Variants in RABGAP1L observed in about 807,000 individuals in gnomAD.
RABGAP1L encodes RAB GTPase activating protein 1 like.
In RABGAP1L, 63 loss-of-function variants were observed where a neutral mutation model predicts 137.7. The observed-to-expected ratio is 0.46, with a 90% CI of 0.37 to 0.56. The LOEUF is 0.56. RABGAP1L is among the 20% of genes least tolerant of loss of function. The pLI is 0.00. For synonymous variants in RABGAP1L, 431 were observed against 433.7 expected (o/e 0.99, Z 0.08); for missense variants, 1,095 against 1,244.0 (o/e 0.88, Z 1.80).
At chr1:174,611,426 G>T in intron 13 of RABGAP1L, among the ~76,000 whole-genome samples, 1 of 151,548 alleles carries the variant, frequency 6.6e-6, no homozygotes, top group East Asian at 1.9e-4. Flanking sequence ...TCTCTCTTTT[G>T]GTACCACTAC....
chr1:174,870,120 A>T (rs1339821642), intron 19 of RABGAP1L, among the ~76,000 whole-genome samples: 1 of 152,224 alleles, frequency 6.6e-6, no homozygotes, highest in Non-Finnish European at 1.5e-5. Flanking sequence ...GAAAGGCAGG[A>T]ATTTAGTAAT....
intron 19 of RABGAP1L, among the ~76,000 whole-genome samples, chr1:174,939,016 C>T (rs1184494479): frequency 3.3e-5 from 5 of 152,120 alleles, no homozygotes; most frequent in Admixed American, 1.3e-4. Context: ...TAGGGTCTTT[C>T]CTTTACTTGT....
intron 17 of RABGAP1L, among the ~76,000 whole-genome samples, chr1:174,735,108 A>G: frequency 6.6e-6 from 1 of 151,754 alleles, no homozygotes; most frequent in Middle Eastern, 3.2e-3. Flanking sequence ...GACTATAGGC[A>G]TGCACCACCA....
intron 19 of RABGAP1L, among the ~76,000 whole-genome samples, chr1:174,820,435 C>T (rs1174353748): frequency 6.6e-6 from 1 of 152,110 alleles, no homozygotes; most frequent in Non-Finnish European, 1.5e-5. Flanking sequence ...TATTAAGAGC[C>T]ACTTTTGAGC....
chr1:174,549,475 A>G (rs145248694), intron 13 of RABGAP1L, among the ~76,000 whole-genome samples: 124 of 152,344 alleles, frequency 8.1e-4, no homozygotes, highest in Non-Finnish European at 3.4e-4. Flanking sequence ...ATATTGTAAC[A>G]TAGCATTCTT....
At chr1:174,661,921 A>G (rs920074271) in intron 14 of RABGAP1L, among the ~76,000 whole-genome samples, 1 of 152,160 alleles carries the variant, frequency 6.6e-6, no homozygotes, top group African/African-American at 2.4e-5. Flanking sequence ...TAGCATATAC[A>G]ATTATGTACA....
chr1:174,810,217 C>T (rs2148853362), intron 18 of RABGAP1L, among the ~76,000 whole-genome samples: 1 of 152,244 alleles, frequency 6.6e-6, no homozygotes, highest in South Asian at 2.1e-4. Flanking sequence ...CTCCTATATT[C>T]TGGGCATTGT....
At chr1:174,988,471 T>C (rs1416157581) in intron 24 of RABGAP1L, among the ~76,000 whole-genome samples, 170 bp from the exon 25 acceptor site, 1 of 152,140 alleles carries the variant, frequency 6.6e-6, no homozygotes, top group East Asian at 1.9e-4. Flanking sequence ...TCTTGGATAG[T>C]TGGGTTCGGG....
intron 19 of RABGAP1L, among the ~76,000 whole-genome samples, chr1:174,869,704 C>T (rs1461253620): frequency 1.3e-5 from 2 of 152,054 alleles, no homozygotes; most frequent in Admixed American, 6.6e-5. Context: ...TGTTGAAATA[C>T]CCAAATGTGA....
intron 13 of RABGAP1L, among the ~76,000 whole-genome samples, chr1:174,530,028 AC>A (rs1179841796): frequency 6.6e-6 from 1 of 152,050 alleles, no homozygotes; most frequent in East Asian, 2.0e-4. Flanking sequence ...CAGCCATGTT[AC>A]GCAGGAGTGG....
At chr1:174,937,619 A>AAT (rs148901840) in intron 19 of RABGAP1L, among the ~76,000 whole-genome samples, 1,928 of 109,582 alleles carry the variant, frequency 0.018, 284 homozygotes, top group African/African-American at 0.072. Context: ...TACTTCATTA[A>AAT]ATATATATAT....
At chr1:174,327,982 C>CATATATATATATATGTAT (rs1558136090) in intron 11 of RABGAP1L, among the ~76,000 whole-genome samples, 1 of 24,756 alleles carries the variant, frequency 4.0e-5, no homozygotes, top group African/African-American at 1.5e-4. Flanking sequence ...TATATATACA[C>CATATATATATATATGTAT]ACACATATAT....
chr1:174,624,248 C>G (rs1672771614), intron 13 of RABGAP1L, among the ~76,000 whole-genome samples: 2 of 152,208 alleles, frequency 1.3e-5, no homozygotes, highest in Non-Finnish European at 2.9e-5. Flanking sequence ...CAGGCCCCAT[C>G]TCCTGTGGAA....
At chr1:174,557,586 T>A (rs1013632477) in intron 13 of RABGAP1L, among the ~76,000 whole-genome samples, 4 of 152,212 alleles carry the variant, frequency 2.6e-5, no homozygotes, top group Non-Finnish European at 4.4e-5. Context: ...GTACCTGAAT[T>A]ATATCATCCT....
chr1:174,360,512 A>G (rs1017319654), intron 11 of RABGAP1L, among the ~76,000 whole-genome samples: 2 of 152,202 alleles, frequency 1.3e-5, no homozygotes, highest in African/African-American at 4.8e-5. Flanking sequence ...GGAAAAGTCA[A>G]CACTAATAAT....
chr1:174,485,231 A>G (rs980497017), intron 13 of RABGAP1L, among the ~76,000 whole-genome samples: 7 of 152,306 alleles, frequency 4.6e-5, no homozygotes, highest in African/African-American at 1.7e-4. Context: ...CAGTTCTAAT[A>G]GTTTTTTGGT....
chr1:174,555,993 CTTTTTTTTTTT>C (rs367653521), intron 13 of RABGAP1L, among the ~76,000 whole-genome samples: 17 of 115,468 alleles, frequency 1.5e-4, no homozygotes, highest in African/African-American at 5.5e-4. Context: ...GTTCGTTTGC[CTTTTTTTTTTT>C]TTTTTTTTTT....
At chr1:174,739,537 A>C (rs1683216292) in intron 17 of RABGAP1L, among the ~76,000 whole-genome samples, 1 of 152,198 alleles carries the variant, frequency 6.6e-6, no homozygotes, top group Non-Finnish European at 1.5e-5. Flanking sequence ...AGTTCTTAAA[A>C]ATACAAGTGA....
At chr1:174,266,757 T>A (rs1474186415) in intron 7 of RABGAP1L, among the ~76,000 whole-genome samples, 1 of 152,178 alleles carries the variant, frequency 6.6e-6, no homozygotes, top group Non-Finnish European at 1.5e-5. Flanking sequence ...TGGTAATAAA[T>A]CCATTTGACA....
Sources: gnomAD v4.1 joint callset for allele counts (sites outside exome capture counted in the v4.1 genomes callset) on GRCh38, gnomAD v4.1.1 for gene constraint, MANE v1.5 for transcripts, NCBI Gene and HGNC (gene_info 2026-07-23, HGNC 2026-07-21) for gene names.